The following AMPH variants were observed in gnomAD, a reference collection of about 807,000 sequenced individuals.
AMPH encodes amphiphysin (Stiff-Mann syndrome with breast cancer 128kD autoantigen).
A neutral mutation model predicts 99.1 loss-of-function variants in AMPH; 49 were observed. The ratio of observed to expected loss-of-function variants is 0.49; its 90% CI spans 0.39 to 0.63. The LOEUF (loss-of-function observed/expected upper bound fraction) is 0.63, where lower values mean the gene tolerates loss of function less well. AMPH is among the 20% of genes least tolerant of loss of function. The pLI, the probability that AMPH is intolerant of heterozygous loss-of-function variation, is 0.00. For synonymous variants in AMPH, 314 were observed against 317.3 expected, an observed-to-expected ratio of 0.99 and a Z score of 0.11; for missense variants, 759 against 863.4, an observed-to-expected ratio of 0.88 and a Z score of 1.52.
At chr7:38,510,012 C>T (rs549884376) in intron 2 of AMPH, among the ~76,000 whole-genome samples, 34 of 152,298 alleles carry the variant, frequency 2.2e-4, no homozygotes, top group South Asian at 2.1e-3. Flanking sequence ...TATCATTACT[C>T]CAGGCCTAAT....
intron 1 of AMPH, among the ~76,000 whole-genome samples, chr7:38,592,851 T>C (rs1792910929): frequency 6.6e-6 from 1 of 152,180 alleles, no homozygotes; most frequent in Non-Finnish European, 1.5e-5. Flanking sequence ...TAGCAATACC[T>C]GCTTCACAGC....
At chr7:38,402,506 C>T (rs1471288444) in intron 17 of AMPH, among the ~76,000 whole-genome samples, 1 of 152,174 alleles carries the variant, frequency 6.6e-6, no homozygotes, top group Non-Finnish European at 1.5e-5. Flanking sequence ...CCATTTTACT[C>T]GCTATCTGGG....
chr7:38,495,204 T>C (rs1213219393), intron 3 of AMPH, among the ~76,000 whole-genome samples: 2 of 152,198 alleles, frequency 1.3e-5, no homozygotes, highest in Non-Finnish European at 2.9e-5. Flanking sequence ...GGCTAATTCA[T>C]ATAAATAAGA....
intron 3 of AMPH, among the ~76,000 whole-genome samples, 155 bp downstream of exon 3, chr7:38,503,495 C>CGGGGGGGG (rs3832480): frequency 3.5e-5 from 3 of 86,182 alleles, no homozygotes; most frequent in African/African-American, 8.3e-5. Flanking sequence ...GAATTTGGGG[C>CGGGGGGGG]GGGGGGGTGG....
At chr7:38,438,910 T>C in intron 11 of AMPH, among the ~76,000 whole-genome samples, 1 of 152,260 alleles carries the variant, frequency 6.6e-6, no homozygotes, top group East Asian at 1.9e-4. Flanking sequence ...CAACAATGCA[T>C]ACATGTGATT....
At position 38,463,947 on chromosome 7, in the gene AMPH, A is replaced by G. The variant is rs538159096; in HGVS notation, c.750-834T>C. 80 of 690,888 alleles carry G rather than the reference A, an allele frequency of 1.2e-4. No homozygotes were observed. In the African/African-American group the frequency reaches 1.3e-3, roughly 11 times the overall value. 42.8% of individuals were successfully genotyped at this position (690,888 alleles called of 1,614,324 possible). A position where few individuals can be genotyped will look rare whatever the true frequency, so the allele number is the denominator to read the frequency against. Reference sequence around the variant, plus strand: ...ATGTACACAGCAGCATGGTCTACATATTCAAAGGGCTGAGGAAACTGGGTC... The same window carrying G: ...ATGTACACAGCAGCATGGTCTACATGTTCAAAGGGCTGAGGAAACTGGGTC... On this transcript the variant is annotated intron_variant, in intron 9 of 20. Transcript: ENST00000356264.
intron 2 of AMPH, among the ~76,000 whole-genome samples, chr7:38,519,352 T>C (rs1789868808): frequency 6.6e-6 from 1 of 152,180 alleles, no homozygotes; most frequent in Non-Finnish European, 1.5e-5. Context: ...TAAAGATTAA[T>C]GGAAATCCAG....
chr7:38,550,159 G>T (rs929886666), intron 1 of AMPH, among the ~76,000 whole-genome samples: 2 of 152,114 alleles, frequency 1.3e-5, no homozygotes, highest in Admixed American at 1.3e-4. Flanking sequence ...TTCTTTATTG[G>T]ATGAAATCCT....
At chr7:38,461,813 C>G (rs1787458838) in intron 10 of AMPH, among the ~76,000 whole-genome samples, 1 of 152,174 alleles carries the variant, frequency 6.6e-6, no homozygotes, top group Non-Finnish European at 1.5e-5. Flanking sequence ...ATTGGTGAGA[C>G]CTACTATAGG....
At chr7:38,519,914 G>GT (rs1245455273) in intron 2 of AMPH, among the ~76,000 whole-genome samples, 2 of 151,692 alleles carry the variant, frequency 1.3e-5, no homozygotes, top group African/African-American at 4.8e-5. Flanking sequence ...ATAAAATGTG[G>GT]TACATATACA....
At chr7:38,598,179 G>A (rs944125186) in intron 1 of AMPH, among the ~76,000 whole-genome samples, 2 of 152,178 alleles carry the variant, frequency 1.3e-5, no homozygotes, top group Non-Finnish European at 2.9e-5. Context: ...ACAAGATAAG[G>A]TCAACTTCCT....
At chr7:38,421,836 T>C (rs958430084) in intron 16 of AMPH, among the ~76,000 whole-genome samples, 1 of 152,212 alleles carries the variant, frequency 6.6e-6, no homozygotes, top group Admixed American at 6.5e-5. Context: ...CTTTAAGCTG[T>C]TGCTAAAAAT....
chr7:38,524,364 TA>T (rs1054191292), intron 2 of AMPH, among the ~76,000 whole-genome samples: 9 of 152,302 alleles, frequency 5.9e-5, no homozygotes, highest in Admixed American at 5.9e-4. Flanking sequence ...ACAGGCCCTT[TA>T]AAAAACACAA....
At position 38,462,959 on chromosome 7, in the gene AMPH, T is replaced by G; in HGVS notation, c.888+16A>C. On this transcript the variant is annotated intron_variant, in intron 10 of 20. Coordinates refer to ENST00000356264, the MANE Select transcript of AMPH (RefSeq NM_001635.4). ...ATCATGAGCTCTATCCCCCAATATA[T>G]TTGACCTCTTCCTACCTGTGAAGGT... The G allele has an allele frequency of 1.3e-6, 2 of 1,539,846 alleles. No homozygotes were observed. The highest frequency in any genetic ancestry group is 2.5e-5 in the South Asian group (2 of 78,826).
In AMPH at chr7:38,571,462, TG is replaced by T. The variant is rs1459668636; in HGVS notation, c.70-36452del. On this transcript the variant is annotated intron_variant, in intron 1 of 20. Coordinates refer to ENST00000356264, the MANE Select transcript of AMPH (RefSeq NM_001635.4). ...ATAGAATATATTTATATAGAATATATGGAATATATTCTATAAAATATATATT... is the reference window on the plus strand; with the variant it reads ...ATAGAATATATTTATATAGAATATATGAATATATTCTATAAAATATATATT... Among the ~76,000 whole-genome samples the T allele has an allele frequency of 3.1e-5, 4 of 128,462 alleles. No homozygotes were observed. The South Asian group carries it at 7.0e-4, about 22-fold the overall frequency. The allele number at this position is 128,462 out of a possible 152,430, so 84.3% of individuals were successfully genotyped here. A position where few individuals can be genotyped will look rare whatever the true frequency, so the allele number is the denominator to read the frequency against.
At chr7:38,494,223 T>C (rs1001767878) in intron 4 of AMPH, among the ~76,000 whole-genome samples, 1 of 152,180 alleles carries the variant, frequency 6.6e-6, no homozygotes, top group African/African-American at 2.4e-5. Flanking sequence ...CCTCCCAAAG[T>C]GTTGGGATTA....
chr7:38,529,195 T>C (rs112513741), intron 2 of AMPH, among the ~76,000 whole-genome samples: 5 of 152,370 alleles, frequency 3.3e-5, no homozygotes, highest in African/African-American at 1.2e-4. Flanking sequence ...TGATTTGATC[T>C]ATGCAGATCA....
chr7:38,607,870 T>C (rs1055430199), intron 1 of AMPH, among the ~76,000 whole-genome samples: 2 of 152,240 alleles, frequency 1.3e-5, no homozygotes, highest in Non-Finnish European at 1.5e-5. Flanking sequence ...CAAAGCCTTA[T>C]GAAAATTACT....
At position 38,466,082 on chromosome 7, in the gene AMPH, C is replaced by A. The variant is rs1787640512; in HGVS notation, c.666+91G>T. 8 of 1,028,554 alleles carry A rather than the reference C, an allele frequency of 7.8e-6. No homozygotes were observed. In the South Asian group the frequency reaches 8.7e-5, roughly 11 times the overall value. 63.7% of individuals were successfully genotyped at this position (1,028,554 alleles called of 1,614,324 possible). On this transcript the variant is annotated intron_variant, in intron 8 of 20. Transcript: ENST00000356264. The stretch of plus-strand genomic sequence containing the variant: ...AAAGAAACATACAAAAGGGTGAATT[C>A]TTTGGATAATTCTATCCCATTTCAT...
Sources: gnomAD v4.1 joint callset for allele counts (sites outside exome capture counted in the v4.1 genomes callset) on GRCh38, gnomAD v4.1.1 for gene constraint, MANE v1.5 for transcripts, NCBI Gene and HGNC (gene_info 2026-07-23, HGNC 2026-07-21) for gene names.